Variants in RICTOR observed in about 807,000 individuals in gnomAD.
The protein encoded by RICTOR is RPTOR independent companion of MTOR complex 2.
In RICTOR, 49 loss-of-function variants were observed where a neutral mutation model predicts 214.9. The ratio of observed to expected loss-of-function variants is 0.23; its 90% CI spans 0.18 to 0.29. The LOEUF is 0.29. Ranked by LOEUF, RICTOR falls within the 10% of genes least tolerant of loss-of-function variation. The probability of loss-of-function intolerance (pLI) is 1.00; values close to 1 mark genes in which losing one functional copy is unlikely to be tolerated. For missense variants in RICTOR, 1,625 were observed against 2,047.0 expected, an observed-to-expected ratio of 0.79 and a Z score of 3.98; for synonymous variants, 717 against 711.3, an observed-to-expected ratio of 1.01 and a Z score of -0.13.
intron 2 of RICTOR, among the ~76,000 whole-genome samples, chr5:39,024,004 T>C (rs2150139994): frequency 6.6e-6 from 1 of 152,316 alleles, no homozygotes; most frequent in South Asian, 2.1e-4. Flanking sequence ...AAAACAATTT[T>C]TCCATGGACC....
chr5:38,968,140 T>A, intron 11 of RICTOR, 110 bp from the exon 12 acceptor site: 2 of 656,630 alleles, frequency 3.0e-6, no homozygotes, highest in South Asian at 3.6e-5. Flanking sequence ...ATTAATACAA[T>A]GACATGTCAC....
At chr5:39,047,809 AC>A (rs1466767257) in intron 2 of RICTOR, among the ~76,000 whole-genome samples, 1 of 152,158 alleles carries the variant, frequency 6.6e-6, no homozygotes, top group Non-Finnish European at 1.5e-5. Context: ...GAGACTATGG[AC>A]CTGTACAATT....
At chr5:38,962,294 T>G in intron 19 of RICTOR, 21 bp downstream of exon 19, 1 of 1,231,612 alleles carries the variant, frequency 8.1e-7, no homozygotes, top group Non-Finnish European at 1.2e-6. Flanking sequence ...TAAATTTAAA[T>G]GCAAAATAGT....
intron 2 of RICTOR, among the ~76,000 whole-genome samples, chr5:39,045,551 A>G (rs1362609541): frequency 6.6e-6 from 1 of 152,160 alleles, no homozygotes; most frequent in African/African-American, 2.4e-5. Flanking sequence ...ATAAGAGAAA[A>G]AAATCAGTTT....
chr5:39,045,568 G>C (rs1757430581), intron 2 of RICTOR, among the ~76,000 whole-genome samples: 1 of 152,074 alleles, frequency 6.6e-6, no homozygotes, highest in Non-Finnish European at 1.5e-5. Flanking sequence ...GTTTGTCTTT[G>C]AAACAATTCA....
chr5:38,975,619 G>A lies in RICTOR; in HGVS notation c.822-15C>T. The A allele has an allele frequency of 6.2e-7, 1 of 1,605,246 alleles. No homozygotes were observed. Among genetic ancestry groups the A allele is most frequent in the Non-Finnish European group, 8.5e-7 (1 of 1,172,156 alleles). Reference sequence around the variant, plus strand: ...CTCTGTCTTCTCTGTTGGGGGTGGGGAGGCAGCGGGGAGAATCAATGAAAT... The same window carrying A: ...CTCTGTCTTCTCTGTTGGGGGTGGGAAGGCAGCGGGGAGAATCAATGAAAT... On this transcript the variant is annotated splice_polypyrimidine_tract_variant and intron_variant, in intron 9 of 37. Coordinates refer to ENST00000357387, the MANE Select transcript of RICTOR (RefSeq NM_152756.5).
chr5:38,947,925 A>G (rs959199438), intron 31 of RICTOR, among the ~76,000 whole-genome samples: 31 of 152,284 alleles, frequency 2.0e-4, no homozygotes, highest in African/African-American at 6.5e-4. Flanking sequence ...CATTATCAAC[A>G]TAAGATTTAT....
intron 2 of RICTOR, among the ~76,000 whole-genome samples, chr5:39,057,825 A>G (rs1213713081): frequency 6.6e-6 from 1 of 152,120 alleles, no homozygotes. Flanking sequence ...ACTTCCAAAG[A>G]GTGTATGTAT....
intron 7 of RICTOR, among the ~76,000 whole-genome samples, chr5:38,984,083 G>GT (rs1751954453): frequency 1.3e-5 from 2 of 151,792 alleles, no homozygotes; most frequent in African/African-American, 4.8e-5. Context: ...ACCTGGATGA[G>GT]TTTTTTTGGA....
At chr5:39,006,214 G>T (rs1175684749) in intron 3 of RICTOR, among the ~76,000 whole-genome samples, 1 of 152,198 alleles carries the variant, frequency 6.6e-6, no homozygotes, top group Non-Finnish European at 1.5e-5. Context: ...TTTCTGAAAG[G>T]TTGGTGTCTG....
chr5:39,012,983 A>G (rs923840778), intron 3 of RICTOR, among the ~76,000 whole-genome samples: 5 of 152,166 alleles, frequency 3.3e-5, no homozygotes, highest in African/African-American at 1.2e-4. Context: ...AGTCCCATGG[A>G]AAGTGTTTAT....
Position 38,938,385 on chromosome 5 carries a change from C to T in RICTOR, c.*3919G>A, listed in dbSNP as rs1385323890. 1 of 230,356 alleles carries T rather than the reference C, an allele frequency of 4.3e-6. No homozygotes were observed. Among genetic ancestry groups the T allele is most frequent in the Non-Finnish European group, 8.6e-6 (1 of 116,182 alleles). The allele number at this position is 230,356 out of a possible 1,614,324, so 14.3% of individuals were successfully genotyped here. A position where few individuals can be genotyped will look rare whatever the true frequency, so the allele number is the denominator to read the frequency against. On this transcript the variant is annotated 3_prime_UTR_variant, in exon 38 of 38. Transcript: ENST00000357387. ...TGACAGGTATTTTTGTAACAATTAC[C>T]TATAAAATTTTTTTCACTCCCCCTC...
intron 2 of RICTOR, among the ~76,000 whole-genome samples, chr5:39,065,080 G>T (rs1475838602): frequency 6.6e-6 from 1 of 152,160 alleles, no homozygotes; most frequent in Non-Finnish European, 1.5e-5. Context: ...TTGTTACAAA[G>T]AAACACCTAA....
At chr5:39,073,214 G>C (rs1042973576) in intron 2 of RICTOR, among the ~76,000 whole-genome samples, 1 of 152,200 alleles carries the variant, frequency 6.6e-6, no homozygotes. Context: ...CCAAGCTACA[G>C]CCCGTGTGAA....
intron 3 of RICTOR, among the ~76,000 whole-genome samples, chr5:39,015,820 C>T (rs189493099): frequency 2.0e-5 from 3 of 152,212 alleles, no homozygotes; most frequent in African/African-American, 7.2e-5. Flanking sequence ...CTACCTATTA[C>T]AGAGCACATA....
At chr5:39,042,396 A>G (rs1757234377) in intron 2 of RICTOR, among the ~76,000 whole-genome samples, 1 of 152,202 alleles carries the variant, frequency 6.6e-6, no homozygotes. Flanking sequence ...TCTCCACACC[A>G]ACCGTATAAG....
chr5:39,050,774 C>T (rs78307436), intron 2 of RICTOR, among the ~76,000 whole-genome samples: 6,843 of 152,102 alleles, frequency 0.045, 286 homozygotes, highest in African/African-American at 0.1. Context: ...TTCAAAATGA[C>T]CCATGAGGGA....
At chr5:39,044,953 T>C (rs1209855018) in intron 2 of RICTOR, among the ~76,000 whole-genome samples, 1 of 152,198 alleles carries the variant, frequency 6.6e-6, no homozygotes, top group East Asian at 1.9e-4. Context: ...TTGTCTATTT[T>C]TACATGGTAG....
intron 2 of RICTOR, among the ~76,000 whole-genome samples, chr5:39,052,780 T>TA (rs1230736682): frequency 6.6e-6 from 1 of 152,216 alleles, no homozygotes; most frequent in Non-Finnish European, 1.5e-5. Flanking sequence ...CTTCTTTTGT[T>TA]AAAAGTCTTC....
Sources: gnomAD v4.1 joint callset for allele counts (sites outside exome capture counted in the v4.1 genomes callset) on GRCh38, gnomAD v4.1.1 for gene constraint, MANE v1.5 for transcripts, NCBI Gene and HGNC (gene_info 2026-07-23, HGNC 2026-07-21) for gene names.